The following ITGA9 variants were observed in gnomAD, a reference collection of about 807,000 sequenced individuals.
The protein encoded by ITGA9 is integrin alpha-9.
A neutral mutation model predicts 127.8 loss-of-function variants in ITGA9; 56 were observed. The ratio of observed to expected loss-of-function variants is 0.44; its 90% CI spans 0.35 to 0.55. The LOEUF (loss-of-function observed/expected upper bound fraction) is 0.55, where lower values mean the gene tolerates loss of function less well. Ranked by LOEUF, ITGA9 falls within the 20% of genes least tolerant of loss-of-function variation. ITGA9 has a pLI of 0.00. For synonymous variants in ITGA9, 508 were observed against 514.5 expected (o/e 0.99, Z 0.17); for missense variants, 1,196 against 1,347.1 (o/e 0.89, Z 1.76).
At chr3:37,555,105 T>C (rs1699417665) in intron 15 of ITGA9, among the ~76,000 whole-genome samples, 1 of 151,908 alleles carries the variant, frequency 6.6e-6, no homozygotes, top group Non-Finnish European at 1.5e-5. Context: ...AAAATGGCTC[T>C]GGGGCTCCAG....
rs770534099 is a variant in ITGA9 at position 37,523,610 on chromosome 3, T to A, written c.1326T>A (p.Pro442=). ...GGIDMDGNGY[P]DVTVGAFMSD... ...TTGATATGGATGGAAATGGCTATCCTGGTAAGCTGTTTTTCTTTAAAGGCA... is the reference window on the plus strand; with the variant it reads ...TTGATATGGATGGAAATGGCTATCCAGGTAAGCTGTTTTTCTTTAAAGGCA... The change falls in exon 12 of 28, where the codon CCT becomes CCA. Residue 442 remains proline, a splice_region_variant and synonymous_variant. Coordinates refer to ENST00000264741, the MANE Select transcript of ITGA9 (RefSeq NM_002207.3). 2.5e-6 allele frequency: 4 copies of A among 1,607,048 alleles called. No individual in the cohort carries two copies. In the Admixed American group the frequency reaches 6.7e-5, roughly 27 times the overall value.
chr3:37,742,516 G>A (rs1461958607), intron 21 of ITGA9, among the ~76,000 whole-genome samples: 2 of 152,210 alleles, frequency 1.3e-5, no homozygotes, highest in East Asian at 3.8e-4. Context: ...TTGGAAAAAT[G>A]AGAACTCCAT....
At chr3:37,699,883 A>C (rs563713057) in intron 18 of ITGA9, among the ~76,000 whole-genome samples, 14 of 152,312 alleles carry the variant, frequency 9.2e-5, no homozygotes, top group African/African-American at 3.1e-4. Flanking sequence ...GTCTGTGCTT[A>C]AATGTCACCT....
At chr3:37,530,516 C>T (rs1353784409) in intron 13 of ITGA9, among the ~76,000 whole-genome samples, 1 of 152,060 alleles carries the variant, frequency 6.6e-6, no homozygotes, top group Admixed American at 6.5e-5. Context: ...AGATAGGTGG[C>T]CCCAGGGCTG....
intron 18 of ITGA9, among the ~76,000 whole-genome samples, chr3:37,692,887 C>G (rs1700846668): frequency 6.6e-6 from 1 of 152,082 alleles, no homozygotes; most frequent in Non-Finnish European, 1.5e-5. Context: ...GACTTTTTAT[C>G]AGGTAGGCAG....
chr3:37,483,090 G>A (rs1180050769), intron 4 of ITGA9, among the ~76,000 whole-genome samples: 1 of 152,178 alleles, frequency 6.6e-6, no homozygotes, highest in Non-Finnish European at 1.5e-5. Context: ...CTGAGAAGGA[G>A]CGATGGGCTC....
intron 15 of ITGA9, among the ~76,000 whole-genome samples, chr3:37,546,521 T>G (rs1699327729): frequency 6.6e-6 from 1 of 152,238 alleles, no homozygotes; most frequent in Non-Finnish European, 1.5e-5. Context: ...GAAGGCTTGC[T>G]GTTGTTCAAG....
chr3:37,640,421 C>G (rs1018767078), intron 16 of ITGA9, among the ~76,000 whole-genome samples: 2 of 152,072 alleles, frequency 1.3e-5, no homozygotes, highest in African/African-American at 4.8e-5. Flanking sequence ...TGACTGTCTG[C>G]AAGGAAACGG....
intron 15 of ITGA9, among the ~76,000 whole-genome samples, chr3:37,621,942 A>C (rs2125631790): frequency 6.6e-6 from 1 of 152,276 alleles, no homozygotes; most frequent in South Asian, 2.1e-4. Flanking sequence ...CTTTGAATTC[A>C]CCTGGTTTTT....
intron 16 of ITGA9, among the ~76,000 whole-genome samples, chr3:37,636,027 A>G (rs934552044): frequency 1.3e-5 from 2 of 151,700 alleles, no homozygotes; most frequent in African/African-American, 2.4e-5. Flanking sequence ...AATCCAGTCT[A>G]TCGTTGTTGG....
At chr3:37,767,695 T>A (rs538728646) in intron 23 of ITGA9, among the ~76,000 whole-genome samples, 1 of 152,348 alleles carries the variant, frequency 6.6e-6, no homozygotes, top group African/African-American at 2.4e-5. Flanking sequence ...TGTTTCTGTT[T>A]TTTGGATTTT....
At chr3:37,481,738 G>A (rs1295020838) in intron 4 of ITGA9, 131 bp downstream of exon 4, 4 of 1,257,744 alleles carry the variant, frequency 3.2e-6, no homozygotes, top group Non-Finnish European at 4.6e-6. Flanking sequence ...AGCACTGTTT[G>A]CTCCCAGATG....
chr3:37,542,388 G>A (rs2125590969), intron 14 of ITGA9, 37 bp from the exon 15 acceptor site: 1 of 1,611,254 alleles, frequency 6.2e-7, no homozygotes, highest in Non-Finnish European at 8.5e-7. Context: ...CAGTGTGTCG[G>A]TCCTTTCTGA....
chr3:37,488,366 A>G (rs1279292860), intron 4 of ITGA9, among the ~76,000 whole-genome samples: 3 of 152,058 alleles, frequency 2.0e-5, no homozygotes, highest in Non-Finnish European at 4.4e-5. Context: ...ATGCATAGTA[A>G]GTTGCATGTC....
At chr3:37,683,823 G>T (rs2125662844) in intron 17 of ITGA9, 42 bp from the exon 18 acceptor site, 1 of 1,607,258 alleles carries the variant, frequency 6.2e-7, no homozygotes, top group Non-Finnish European at 8.5e-7. Flanking sequence ...TTATATTAGT[G>T]TAGGCCTCAG....
chr3:37,580,630 C>G (rs1349590161), intron 15 of ITGA9, among the ~76,000 whole-genome samples: 2 of 152,208 alleles, frequency 1.3e-5, no homozygotes, highest in Non-Finnish European at 2.9e-5. Flanking sequence ...ATCCATTATT[C>G]TTCCTCATTT....
At chr3:37,700,765 A>G (rs1336831183) in intron 18 of ITGA9, among the ~76,000 whole-genome samples, 1 of 152,266 alleles carries the variant, frequency 6.6e-6, no homozygotes, top group East Asian at 1.9e-4. Context: ...ATAAATGGAT[A>G]GAAGATGGGT....
At chr3:37,713,171 C>T (rs967933690) in intron 18 of ITGA9, among the ~76,000 whole-genome samples, 7 of 152,218 alleles carry the variant, frequency 4.6e-5, no homozygotes, top group African/African-American at 9.6e-5. Context: ...GATGATGGCT[C>T]GCTGATGGGA....
chr3:37,600,246 T>A (rs1699904740), intron 15 of ITGA9, among the ~76,000 whole-genome samples: 1 of 152,176 alleles, frequency 6.6e-6, no homozygotes, highest in Non-Finnish European at 1.5e-5. Flanking sequence ...TACAGAGGAA[T>A]AAGGAATTAA....
Sources: gnomAD v4.1 joint callset for allele counts (sites outside exome capture counted in the v4.1 genomes callset) on GRCh38, gnomAD v4.1.1 for gene constraint, MANE v1.5 for transcripts, NCBI Gene and HGNC (gene_info 2026-07-23, HGNC 2026-07-21) for gene names.